Variants in ALCAM observed in about 807,000 individuals in gnomAD.
The protein encoded by ALCAM is activated leukocyte cell adhesion molecule, also known as CD166 antigen.
A neutral mutation model predicts 70.9 loss-of-function variants in ALCAM; 30 were observed. That is an observed-to-expected ratio of 0.42 (90% CI 0.32 to 0.57). The LOEUF (loss-of-function observed/expected upper bound fraction) is 0.57, where lower values mean the gene tolerates loss of function less well. ALCAM is among the 20% of genes least tolerant of loss of function. The pLI is 0.11. For missense variants in ALCAM, 591 were observed against 695.1 expected (o/e 0.85, Z 1.68); for synonymous variants, 249 against 242.5 (o/e 1.03, Z -0.25).
At chr3:105,546,999 A>G in intron 9 of ALCAM, 150 bp from the exon 10 acceptor site, 1 of 550,814 alleles carries the variant, frequency 1.8e-6, no homozygotes, top group Non-Finnish European at 2.9e-6. Flanking sequence ...AGAAAAAGGA[A>G]ATCTATTTTG....
intron 1 of ALCAM, among the ~76,000 whole-genome samples, chr3:105,433,845 C>T (rs1559790015): frequency 6.6e-6 from 1 of 150,936 alleles, no homozygotes; most frequent in Non-Finnish European, 1.5e-5. Flanking sequence ...TAATGGATAT[C>T]TGATGAACTA....
intron 1 of ALCAM, among the ~76,000 whole-genome samples, chr3:105,432,757 A>G (rs1338968540): frequency 2.6e-5 from 4 of 152,104 alleles, no homozygotes; most frequent in African/African-American, 7.2e-5. Context: ...CTCCACTCCA[A>G]TAGTTTTCTT....
chr3:105,469,906 C>T (rs1937873441), intron 1 of ALCAM, among the ~76,000 whole-genome samples: 1 of 150,730 alleles, frequency 6.6e-6, no homozygotes, highest in South Asian at 2.1e-4. Flanking sequence ...AACTTAAATT[C>T]CCTGGCTTAC....
At chr3:105,431,573 G>A (rs1326818247) in intron 1 of ALCAM, among the ~76,000 whole-genome samples, 1 of 152,214 alleles carries the variant, frequency 6.6e-6, no homozygotes, top group East Asian at 1.9e-4. Context: ...AGTTCAAGAA[G>A]TGGGGAAATA....
At chr3:105,467,939 A>G (rs985537595) in intron 1 of ALCAM, among the ~76,000 whole-genome samples, 1 of 151,238 alleles carries the variant, frequency 6.6e-6, no homozygotes, top group African/African-American at 2.4e-5. Context: ...TTTGTTGACA[A>G]CTGAAAATGG....
chr3:105,446,178 A>G (rs918064219), intron 1 of ALCAM, among the ~76,000 whole-genome samples: 9 of 152,196 alleles, frequency 5.9e-5, no homozygotes, highest in African/African-American at 1.9e-4. Context: ...CTGAGTAGAT[A>G]TTTCTCAAAA....
intron 1 of ALCAM, among the ~76,000 whole-genome samples, chr3:105,380,716 A>T (rs1935497020): frequency 6.6e-6 from 1 of 151,882 alleles, no homozygotes; most frequent in Admixed American, 6.6e-5. Context: ...CTCCTAATTT[A>T]TTACTAAAAT....
intron 6 of ALCAM, among the ~76,000 whole-genome samples, chr3:105,538,901 A>G (rs1204069515): frequency 6.6e-6 from 1 of 152,170 alleles, no homozygotes; most frequent in Non-Finnish European, 1.5e-5. Context: ...GCAAAGAAAC[A>G]ATCTATAACA....
chr3:105,484,665 C>T (rs980509567), intron 1 of ALCAM, among the ~76,000 whole-genome samples: 4 of 151,970 alleles, frequency 2.6e-5, no homozygotes, highest in African/African-American at 9.7e-5. Flanking sequence ...CATAGTAATA[C>T]GAGGGTCAGG....
rs1031578737 is a variant in ALCAM at position 105,552,498 on chromosome 3, C to A, written c.1577C>A (p.Ala526Glu). ...DENREKVNDQ[A>E]KLIVGIVVGL... ...AACAGAGAAAAGGTGAATGACCAGG[C>A]AAAACTAATTGTGGGAATCGTTGTT... Residue 526 changes from alanine (A) to glutamate (E), a missense_variant, in exon 14 of 16, where the codon GCA becomes GAA. Transcript: ENST00000306107. 6.2e-7 allele frequency: 1 copy of A among 1,611,660 alleles called. No individual in the cohort carries two copies. Among genetic ancestry groups the A allele is most frequent in the Non-Finnish European group, 8.5e-7 (1 of 1,178,396 alleles).
chr3:105,452,282 T>TATG (rs1470370076), intron 1 of ALCAM, among the ~76,000 whole-genome samples: 22 of 152,270 alleles, frequency 1.4e-4, no homozygotes, highest in Non-Finnish European at 2.8e-4. Context: ...TGTGTTCTCA[T>TATG]TGTTCAACTC....
chr3:105,570,547 C>T (rs1423480250), intron 14 of ALCAM, among the ~76,000 whole-genome samples: 1 of 152,064 alleles, frequency 6.6e-6, no homozygotes, highest in East Asian at 1.9e-4. Flanking sequence ...CCAAGACCAA[C>T]AAGAGCATAA....
intron 1 of ALCAM, among the ~76,000 whole-genome samples, chr3:105,407,986 T>G (rs1471443386): frequency 6.6e-6 from 1 of 151,962 alleles, no homozygotes; most frequent in Non-Finnish European, 1.5e-5. Flanking sequence ...ATAAAATGCT[T>G]AAGAATATAC....
intron 1 of ALCAM, among the ~76,000 whole-genome samples, chr3:105,389,270 A>C (rs920322480): frequency 2.6e-5 from 4 of 151,378 alleles, no homozygotes; most frequent in African/African-American, 7.3e-5. Context: ...GAAAGTAAGA[A>C]AGAAAGATAC....
At chr3:105,509,020 C>T (rs1046680849) in intron 1 of ALCAM, among the ~76,000 whole-genome samples, 7 of 152,054 alleles carry the variant, frequency 4.6e-5, no homozygotes, top group African/African-American at 1.2e-4. Flanking sequence ...CTCCAGGTTC[C>T]TCTGTGTTGT....
chr3:105,497,809 A>T (rs1377545536), intron 1 of ALCAM, among the ~76,000 whole-genome samples: 1 of 152,076 alleles, frequency 6.6e-6, no homozygotes, highest in African/African-American at 2.4e-5. Flanking sequence ...AGGCGGGCGG[A>T]TCACGAGGTC....
At chr3:105,500,312 C>T (rs1332299694) in intron 1 of ALCAM, among the ~76,000 whole-genome samples, 1 of 152,088 alleles carries the variant, frequency 6.6e-6, no homozygotes, top group East Asian at 1.9e-4. Context: ...GCTTCTTTCA[C>T]TCACCATCTC....
Position 105,469,644 on chromosome 3 carries a change from C to T in ALCAM, c.74-50423C>T, listed in dbSNP as rs77818818. ...GTTTGTACAAAATGTACTATATATA[C>T]ATATTTATTCCACAATTTGTAGCTT... On this transcript the variant is annotated intron_variant, in intron 1 of 15. Transcript: ENST00000306107. Among the ~76,000 whole-genome samples the T allele has an allele frequency of 5.6e-3, 843 of 151,236 alleles. 7 individuals carry two copies. The highest frequency in any genetic ancestry group is 0.02 in the African/African-American group (813 of 41,408).
chr3:105,475,404 A>T (rs1441453779), intron 1 of ALCAM, among the ~76,000 whole-genome samples: 2 of 151,986 alleles, frequency 1.3e-5, no homozygotes, highest in African/African-American at 4.8e-5. Context: ...TAGAAAAATA[A>T]AACAGTAAAT....
Sources: gnomAD v4.1 joint callset for allele counts (sites outside exome capture counted in the v4.1 genomes callset) on GRCh38, gnomAD v4.1.1 for gene constraint, MANE v1.5 for transcripts, NCBI Gene and HGNC (gene_info 2026-07-23, HGNC 2026-07-21) for gene names.